Variants in CDH10 observed in about 807,000 individuals in gnomAD.
CDH10 encodes the protein cadherin 10.
In CDH10, 30 loss-of-function variants were observed where a neutral mutation model predicts 73.1. The observed-to-expected ratio is 0.41, with a 90% confidence interval of 0.31 to 0.56. CDH10 has a LOEUF of 0.56. Among genes scored for constraint, CDH10 ranks in the 20% least tolerant of loss-of-function variants. The probability of loss-of-function intolerance (pLI) is 0.27; values close to 1 mark genes in which losing one functional copy is unlikely to be tolerated. For missense variants in CDH10, 815 were observed against 973.7 expected (o/e 0.84, Z 2.17); for synonymous variants, 345 against 348.2 (o/e 0.99, Z 0.10).
intron 2 of CDH10, among the ~76,000 whole-genome samples, chr5:24,553,274 T>C (rs1744618482): frequency 6.6e-6 from 1 of 152,140 alleles, no homozygotes; most frequent in Admixed American, 6.6e-5. Flanking sequence ...TTTCTGGTAT[T>C]GTTCCTTGGT....
intron 1 of CDH10, among the ~76,000 whole-genome samples, chr5:24,605,659 G>T (rs547578689): frequency 1.3e-5 from 2 of 152,318 alleles, no homozygotes; most frequent in African/African-American, 4.8e-5. Context: ...CAAATTTGTG[G>T]TTCTTAAGAT....
chr5:24,604,608 C>T (rs562396430), intron 1 of CDH10, among the ~76,000 whole-genome samples: 1 of 152,208 alleles, frequency 6.6e-6, no homozygotes, highest in Admixed American at 6.5e-5. Context: ...CACGATGGCT[C>T]ACACCTGTAA....
At chr5:24,556,610 C>G (rs1018675070) in intron 2 of CDH10, among the ~76,000 whole-genome samples, 1 of 151,544 alleles carries the variant, frequency 6.6e-6, no homozygotes, top group Non-Finnish European at 1.5e-5. Flanking sequence ...AAAAAATACC[C>G]TAAAAGTGTT....
chr5:24,572,935 G>GAAAAAAAAAAAAAAAAAAA (rs55946839), intron 2 of CDH10, among the ~76,000 whole-genome samples: 1 of 72,114 alleles, frequency 1.4e-5, no homozygotes, highest in South Asian at 4.9e-4. Context: ...CTTAGAAAAA[G>GAAAAAAAAAAAAAAAAAAA]AAAAAAAAAA....
chr5:24,585,376 G>A, intron 2 of CDH10, among the ~76,000 whole-genome samples: 1 of 152,004 alleles, frequency 6.6e-6, no homozygotes, highest in African/African-American at 2.4e-5. Context: ...CTCTAGAAGG[G>A]TCATAGTCTC....
intron 5 of CDH10, among the ~76,000 whole-genome samples, chr5:24,533,543 A>G (rs1467846537): frequency 6.6e-6 from 1 of 151,982 alleles, no homozygotes; most frequent in Non-Finnish European, 1.5e-5. Context: ...CTCCCAAAGG[A>G]AATTTATTAC....
intron 2 of CDH10, among the ~76,000 whole-genome samples, chr5:24,561,870 G>C (rs567679374): frequency 6.6e-6 from 1 of 152,212 alleles, no homozygotes; most frequent in East Asian, 1.9e-4. Context: ...AGAACATTAA[G>C]AGAGGCCAGG....
intron 1 of CDH10, among the ~76,000 whole-genome samples, chr5:24,602,106 T>G (rs910858957): frequency 2.6e-5 from 4 of 152,166 alleles, no homozygotes; most frequent in African/African-American, 9.6e-5. Flanking sequence ...ATAAGTCTGA[T>G]TCAGTGAATA....
intron 8 of CDH10, among the ~76,000 whole-genome samples, chr5:24,499,700 A>AG (rs1742420842): frequency 6.8e-6 from 1 of 147,182 alleles, no homozygotes; most frequent in East Asian, 2.0e-4. Flanking sequence ...AAAAAAAAAA[A>AG]TGATGCATTT....
Position 24,573,574 on chromosome 5 carries a change from A to G in CDH10, c.231+19686T>C, listed in dbSNP as rs181575625. The stretch of plus-strand genomic sequence containing the variant: ...AAATTAGCCGAGCGTGGTGGCGGGC[A>G]CCTGTAGTCCCAGCTACTCCGGAGG... On this transcript the variant is annotated intron_variant, in intron 2 of 11. Transcript: ENST00000264463. Among the ~76,000 whole-genome samples, 27 of 151,258 alleles carry G rather than the reference A, an allele frequency of 1.8e-4. No homozygotes were observed. The East Asian group carries it at 4.0e-3, about 22-fold the overall frequency.
chr5:24,512,830 T>C (rs1180872101), intron 5 of CDH10, among the ~76,000 whole-genome samples: 1 of 152,162 alleles, frequency 6.6e-6, no homozygotes, highest in African/African-American at 2.4e-5. Flanking sequence ...ATATACATAA[T>C]AAAGTCCAGA....
chr5:24,616,532 A>G (rs1747134399), intron 1 of CDH10, among the ~76,000 whole-genome samples: 1 of 152,138 alleles, frequency 6.6e-6, no homozygotes, highest in Admixed American at 6.5e-5. Context: ...TACAAAGAAA[A>G]GGCTATTAGT....
intron 1 of CDH10, among the ~76,000 whole-genome samples, chr5:24,608,400 C>G (rs1429879470): frequency 6.6e-6 from 1 of 152,048 alleles, no homozygotes; most frequent in East Asian, 1.9e-4. Flanking sequence ...TCAAGCGATT[C>G]TCCTGACTCA....
At chr5:24,607,302 C>T (rs1746792310) in intron 1 of CDH10, among the ~76,000 whole-genome samples, 1 of 152,014 alleles carries the variant, frequency 6.6e-6, no homozygotes, top group African/African-American at 2.4e-5. Flanking sequence ...GAGACAGGCA[C>T]AAGGGTGGGA....
At chr5:24,569,640 A>G (rs1351109966) in intron 2 of CDH10, among the ~76,000 whole-genome samples, 1 of 152,198 alleles carries the variant, frequency 6.6e-6, no homozygotes, top group East Asian at 1.9e-4. Context: ...TTTCTTCAAA[A>G]TAATTTATTT....
chr5:24,537,387 AG>A lies in CDH10; in HGVS notation c.518del (p.Ser173LeufsTer3), dbSNP rs1185176542. 1 of 1,607,560 alleles carries A rather than the reference AG, an allele frequency of 6.2e-7. No individual in the cohort carries two copies. The highest frequency in any genetic ancestry group is 1.3e-5 in the African/African-American group (1 of 74,532). The stretch of plus-strand genomic sequence containing the variant: ...CGCTGTAAATGAACTTACCTACAAC[AG>A]ACATTTCGGGAACACTAGCTGTATA... ...EIYTASVPEM[S>X]VVGTSVVQVT... On this transcript the variant is annotated frameshift_variant, in exon 3 of 12. Transcript: ENST00000264463. LOFTEE classifies it high-confidence loss of function.
At chr5:24,536,409 C>T (rs1743955157) in intron 3 of CDH10, among the ~76,000 whole-genome samples, 1 of 151,944 alleles carries the variant, frequency 6.6e-6, no homozygotes, top group African/African-American at 2.4e-5. Context: ...TATTAAATAA[C>T]AATCCCAGAA....
chr5:24,640,200 G>A (rs533473052), intron 1 of CDH10, among the ~76,000 whole-genome samples: 99 of 151,486 alleles, frequency 6.5e-4, no homozygotes, highest in African/African-American at 2.4e-3. Context: ...AAAGCACATG[G>A]GAAATTTAAT....
In CDH10 at chr5:24,505,158, A is replaced by G. The variant is rs777777744; in HGVS notation, c.1347T>C (p.Arg449=). 2 of 1,612,740 alleles carry G rather than the reference A, an allele frequency of 1.2e-6. No individual in the cohort carries two copies. The highest frequency in any genetic ancestry group is 1.7e-6 in the Non-Finnish European group (2 of 1,178,874). The change falls in exon 8 of 12, where the codon CGT becomes CGC. Residue 449 remains arginine, a synonymous_variant. Transcript: ENST00000264463. ...TAAGATTATGCCACTGAGATAGTTC[A>G]CGGTCAAGAGGTTTTGATGTATAAA... is the stretch of plus-strand genomic sequence containing the variant. ...GSLYTSKPLD[R]ELSQWHNLTV...
Sources: allele counts gnomAD v4.1 joint callset (sites outside exome capture counted in the v4.1 genomes callset), GRCh38; gene constraint gnomAD v4.1.1; transcripts MANE v1.5; gene names NCBI Gene and HGNC (gene_info 2026-07-23, HGNC 2026-07-21).